The following CSMD3 variants were observed in gnomAD, a reference collection of about 807,000 sequenced individuals.
CSMD3 encodes the protein CUB and Sushi multiple domains 3, also known as CUB and sushi domain-containing protein 3.
In CSMD3, 177 loss-of-function variants were observed where a neutral mutation model predicts 435.2. The ratio of observed to expected loss-of-function variants is 0.41; its 90% CI spans 0.36 to 0.46. The LOEUF (loss-of-function observed/expected upper bound fraction) is 0.46. CSMD3 is among the 20% of genes least tolerant of loss of function. The pLI is 0.34. For missense variants in CSMD3, 4,265 were observed against 4,504.6 expected (o/e 0.95, Z 1.52); for synonymous variants, 1,656 against 1,520.5 (o/e 1.09, Z -2.07).
chr8:112,500,395 C>T (rs1305268282), intron 30 of CSMD3, among the ~76,000 whole-genome samples: 1 of 152,086 alleles, frequency 6.6e-6, no homozygotes, highest in Non-Finnish European at 1.5e-5. Flanking sequence ...TAAAATTCCA[C>T]CACCTTAAAT....
intron 12 of CSMD3, among the ~76,000 whole-genome samples, chr8:112,802,977 C>G (rs2132342181): frequency 6.6e-6 from 1 of 152,158 alleles, no homozygotes; most frequent in Admixed American, 6.5e-5. Context: ...GCAATTCTTT[C>G]TCCTAAACAG....
rs186323993 is a variant in CSMD3 at position 113,305,362 on chromosome 8, T to C, written c.401+9209A>G. Among the ~76,000 whole-genome samples, 1,378 of 152,338 alleles carry C rather than the reference T, an allele frequency of 9.0e-3. 14 individuals carry two copies. Among genetic ancestry groups the C allele is most frequent in the Non-Finnish European group, 0.015 (1,015 of 68,032 alleles). ...ATGTTTATGGAGCGTGAGTTTCACTTTACTAAATATTTTATTAAATATTTT... is the reference window on the plus strand; with the variant it reads ...ATGTTTATGGAGCGTGAGTTTCACTCTACTAAATATTTTATTAAATATTTT... On this transcript the variant is annotated intron_variant, in intron 2 of 70. Transcript: ENST00000297405.
chr8:112,906,666 C>G (rs2082272524), intron 10 of CSMD3, among the ~76,000 whole-genome samples: 1 of 151,334 alleles, frequency 6.6e-6, no homozygotes. Flanking sequence ...ATCTTTTTTT[C>G]ACCTCACCTA....
chr8:112,600,764 A>T (rs891523093), intron 22 of CSMD3, among the ~76,000 whole-genome samples: 3 of 149,826 alleles, frequency 2.0e-5, no homozygotes, highest in Admixed American at 6.7e-5. Flanking sequence ...TGCAAGCTCC[A>T]CCTCCCAAGT....
intron 5 of CSMD3, among the ~76,000 whole-genome samples, chr8:113,086,359 A>G (rs2089779744): frequency 6.6e-6 from 1 of 152,164 alleles, no homozygotes; most frequent in Non-Finnish European, 1.5e-5. Flanking sequence ...TTCTAACACT[A>G]TAAACCATGA....
chr8:112,235,266 C>T (rs1251190271), intron 67 of CSMD3, among the ~76,000 whole-genome samples: 1 of 152,082 alleles, frequency 6.6e-6, no homozygotes, highest in Non-Finnish European at 1.5e-5. Flanking sequence ...CACCTGTAGT[C>T]CCAGCTGCTC....
chr8:113,085,512 G>C (rs1369656920), intron 5 of CSMD3, among the ~76,000 whole-genome samples: 2 of 152,120 alleles, frequency 1.3e-5, no homozygotes, highest in Non-Finnish European at 2.9e-5. Context: ...CAGTAACTAA[G>C]ATTTGGAATC....
At chr8:112,827,164 AATATATATATATATAT>A (rs3047126) in intron 12 of CSMD3, among the ~76,000 whole-genome samples, 4,775 of 82,956 alleles carry the variant, frequency 0.058, 301 homozygotes, top group Middle Eastern at 0.096. Flanking sequence ...GGTTACCATA[AATATATATATATATAT>A]ATATATATAT....
At chr8:113,351,398 C>A (rs1192741443) in intron 1 of CSMD3, among the ~76,000 whole-genome samples, 1 of 151,958 alleles carries the variant, frequency 6.6e-6, no homozygotes, top group Non-Finnish European at 1.5e-5. Flanking sequence ...CAGGATTGCC[C>A]TCACCTATAA....
At chr8:113,395,788 G>T (rs1247452703) in intron 1 of CSMD3, among the ~76,000 whole-genome samples, 1 of 151,986 alleles carries the variant, frequency 6.6e-6, no homozygotes, top group Non-Finnish European at 1.5e-5. Flanking sequence ...CCCTGATCTT[G>T]TACCTTTGCT....
intron 22 of CSMD3, among the ~76,000 whole-genome samples, chr8:112,633,515 G>A (rs1029518673): frequency 2.6e-5 from 4 of 151,922 alleles, no homozygotes; most frequent in African/African-American, 9.7e-5. Context: ...GATATTACAC[G>A]ACAGAATTTT....
At chr8:112,535,860 T>C (rs1162638440) in intron 27 of CSMD3, among the ~76,000 whole-genome samples, 1 of 152,040 alleles carries the variant, frequency 6.6e-6, no homozygotes, top group Admixed American at 6.6e-5. Context: ...CCCTCAGAAA[T>C]AATGCCACAT....
chr8:112,872,012 A>C (rs1036008822), intron 10 of CSMD3, among the ~76,000 whole-genome samples: 1 of 152,066 alleles, frequency 6.6e-6, no homozygotes, highest in Admixed American at 6.6e-5. Context: ...AAAAATACTG[A>C]ATTATTGATC....
At chr8:112,383,985 A>G (rs912003162) in intron 36 of CSMD3, among the ~76,000 whole-genome samples, 2 of 152,198 alleles carry the variant, frequency 1.3e-5, no homozygotes, top group Non-Finnish European at 2.9e-5. Context: ...ATCTCAATGC[A>G]TGTTCAAAAC....
At chr8:113,381,242 A>C (rs1376544332) in intron 1 of CSMD3, among the ~76,000 whole-genome samples, 1 of 152,200 alleles carries the variant, frequency 6.6e-6, no homozygotes, top group Non-Finnish European at 1.5e-5. Context: ...GAATAATTAA[A>C]GTGTGAGGGA....
chr8:112,933,076 C>T (rs1024043648), intron 9 of CSMD3, among the ~76,000 whole-genome samples: 3 of 152,000 alleles, frequency 2.0e-5, no homozygotes, highest in African/African-American at 7.2e-5. Flanking sequence ...TTTATAAAAT[C>T]AAATCGTGGA....
rs759390316 is a variant in CSMD3, at chr8:112,311,122, T to C, written c.7741A>G (p.Ile2581Val). 3 of 1,613,986 alleles carry C rather than the reference T, an allele frequency of 1.9e-6. No homozygotes were observed. The highest frequency in any genetic ancestry group is 1.7e-6 in the Non-Finnish European group (2 of 1,179,978). The stretch of plus-strand genomic sequence containing the variant: ...TTAAGCTGCCCACCTGTCTGACTGA[T>C]AATATATCCATGAGGTGGGGATTCT... ...TPESPPHGYI[I>V]SQTGGQLNSV... is the part of the protein sequence containing the mutation. The change falls in exon 50 of 71, where the codon ATC (isoleucine) becomes GTC (valine). Residue 2581 changes from isoleucine (I) to valine (V), a missense_variant. Ile to Val is a conservative substitution (Grantham distance 29). Coordinates refer to ENST00000297405, the MANE Select transcript of CSMD3 (RefSeq NM_198123.2).
intron 70 of CSMD3, among the ~76,000 whole-genome samples, chr8:112,226,892 A>G (rs946246742): frequency 6.6e-6 from 1 of 152,152 alleles, no homozygotes; most frequent in Non-Finnish European, 1.5e-5. Context: ...TAAAAAACAA[A>G]AGACAAAGCC....
At chr8:112,828,353 G>A (rs1310303700) in intron 12 of CSMD3, among the ~76,000 whole-genome samples, 1 of 152,152 alleles carries the variant, frequency 6.6e-6, no homozygotes, top group Admixed American at 6.5e-5. Flanking sequence ...GGGACCTAGT[G>A]GGAGGTGAAT....
Sources: allele counts gnomAD v4.1 joint callset (sites outside exome capture counted in the v4.1 genomes callset), GRCh38; gene constraint gnomAD v4.1.1; transcripts MANE v1.5; gene names NCBI Gene and HGNC (gene_info 2026-07-23, HGNC 2026-07-21).